Variants in UNKL observed in about 807,000 individuals in gnomAD.
The protein encoded by UNKL is putative E3 ubiquitin-protein ligase UNKL.
In UNKL, 60 loss-of-function variants were observed where a neutral mutation model predicts 78.0. The observed-to-expected ratio is 0.77, with a 90% CI of 0.63 to 0.95. The LOEUF (loss-of-function observed/expected upper bound fraction) is 0.95, where lower values mean the gene tolerates loss of function less well. UNKL is among the 40% of genes least tolerant of loss of function. The probability of loss-of-function intolerance (pLI) is 0.00; values close to 1 mark genes in which losing one functional copy is unlikely to be tolerated. For synonymous variants in UNKL, 608 were observed against 474.8 expected (o/e 1.28, Z -3.65); for missense variants, 1,159 against 1,045.7 (o/e 1.11, Z -1.49).
intron 6 of UNKL, among the ~76,000 whole-genome samples, chr16:1,396,820 G>A (rs1419275200): frequency 1.3e-5 from 2 of 152,124 alleles, no homozygotes; most frequent in African/African-American, 4.8e-5. Flanking sequence ...TCTTGATCTC[G>A]TTATCCAGCT....
At chr16:1,395,893 C>T (rs536556008) in intron 6 of UNKL, 8 of 400,884 alleles carry the variant, frequency 2.0e-5, no homozygotes, top group Admixed American at 7.9e-5. Context: ...CAAGAAACGA[C>T]GGGAAGCAGC....
chr16:1,371,493 G>A, intron 11 of UNKL, 26 bp downstream of exon 11: 1 of 1,534,626 alleles, frequency 6.5e-7, no homozygotes, highest in Non-Finnish European at 8.7e-7. Flanking sequence ...TGGAGGAGCA[G>A]GGCCCCAGGT....
In UNKL at chr16:1,403,252, G is replaced by A. The variant is rs771405455; in HGVS notation, c.380C>T (p.Ala127Val). ...CCCATTCTTCACGCAGTGGCCACGT[G>A]CGTCTGTCTCGTGGATGCAGGTTCC... ...KTGTCIHETDARGHCVKNGLH... is the reference protein window; with the variant it reads ...KTGTCIHETDVRGHCVKNGLH... The change falls in exon 3 of 15, where the codon GCA becomes GTA. Residue 127 changes from alanine to valine, a missense_variant. Coordinates refer to ENST00000389221, the MANE Select transcript of UNKL (RefSeq NM_001372107.1). The surrounding 1 kb of genome is among the most constrained non-coding windows in gnomAD (Gnocchi z 4.8). 6.2e-7 allele frequency: 1 copy of A among 1,614,208 alleles called. No individual in the cohort carries two copies. Among genetic ancestry groups the A allele is most frequent in the Non-Finnish European group, 8.5e-7 (1 of 1,180,038 alleles).
rs763730083 is a variant in UNKL at position 1,371,572 on chromosome 16, G to T, written c.1304C>A (p.Ala435Glu). Residue 435 changes from alanine to glutamate, a missense_variant, in exon 11 of 15, where the codon GCA becomes GAA. By Grantham distance (107) the Ala-to-Glu change is moderately radical. Transcript: ENST00000389221. The stretch of plus-strand genomic sequence containing the variant: ...CTCTTCCAGGTCCTTCTCTAGGGAT[G>T]CAATATTCACATTGCTAAGATGCAG... The part of the protein sequence containing the change: ...LDLHLSNVNI[A>E]SLEKDLEEQD... 97 of 1,536,096 alleles carry T rather than the reference G, an allele frequency of 6.3e-5. No homozygotes were observed. The highest frequency in any genetic ancestry group is 7.9e-5 in the Non-Finnish European group (91 of 1,146,912).
At chr16:1,407,369 C>T (rs1051968181) in intron 2 of UNKL, 5 of 152,214 alleles carry the variant, frequency 3.3e-5, no homozygotes, top group Non-Finnish European at 5.9e-5. Context: ...ACAGGGCAAG[C>T]GGGAAGTGTC....
intron 2 of UNKL, among the ~76,000 whole-genome samples, chr16:1,411,744 G>C (rs2038048094): frequency 6.6e-6 from 1 of 152,116 alleles, no homozygotes; most frequent in African/African-American, 2.4e-5. Context: ...AGAATCGCTT[G>C]AACCTGGGAG....
chr16:1,412,447 T>C (rs2038082330), intron 2 of UNKL, among the ~76,000 whole-genome samples: 1 of 151,830 alleles, frequency 6.6e-6, no homozygotes, highest in African/African-American at 2.4e-5. Context: ...CTCAACTCTA[T>C]TAAAAATACA....
intron 12 of UNKL, 40 bp downstream of exon 12, chr16:1,370,090 G>C (rs755375760): frequency 6.5e-7 from 1 of 1,544,246 alleles, no homozygotes; most frequent in South Asian, 1.2e-5. Context: ...CCCCACGGAG[G>C]CTTCACGGCA....
chr16:1,379,614 A>G, intron 10 of UNKL: 1 of 984,830 alleles, frequency 1.0e-6, no homozygotes, highest in Non-Finnish European at 1.2e-6. Flanking sequence ...CACGGCTGCC[A>G]CGCGCTGGGG....
chr16:1,408,925 CT>C (rs143029863), intron 2 of UNKL: 17,072 of 142,656 alleles, frequency 0.12, 1,406 homozygotes, highest in African/African-American at 0.26. Flanking sequence ...ATAGAAATTT[CT>C]TTTTTTTTTT....
Position 1,399,027 on chromosome 16 carries a change from T to G in UNKL, c.734+347A>C. The G allele has an allele frequency of 6.9e-7, 1 of 1,442,930 alleles. No individual in the cohort carries two copies. The highest frequency in any genetic ancestry group is 2.5e-5 in the East Asian group (1 of 39,632). The allele number at this position is 1,442,930 out of a possible 1,614,324, so 89.4% of individuals were successfully genotyped here. A position where few individuals can be genotyped will look rare whatever the true frequency, so the allele number is the denominator to read the frequency against. ...AGGAGACAGCATGCAGCCCACAGGC[T>G]GGAGAGCGTGGCTGCAACCAGAGGC... On this transcript the variant is annotated intron_variant, in intron 5 of 14. Coordinates refer to ENST00000389221, the MANE Select transcript of UNKL (RefSeq NM_001372107.1). This position sits in a 1 kb window ranked among gnomAD's most constrained non-coding sequence, Gnocchi z 5.8.
intron 14 of UNKL, 88 bp downstream of exon 14, chr16:1,367,004 G>C (rs1596634035): frequency 6.9e-7 from 1 of 1,439,274 alleles, no homozygotes; most frequent in African/African-American, 1.4e-5. Context: ...GGAGGAAGGG[G>C]ACACCGCACC....
intron 10 of UNKL, among the ~76,000 whole-genome samples, chr16:1,376,719 C>A (rs1048073092): frequency 4.0e-5 from 6 of 151,844 alleles, no homozygotes; most frequent in East Asian, 3.9e-4. Context: ...CCCCCATGGA[C>A]GCCTGATGCT....
At position 1,398,974 on chromosome 16, in the gene UNKL, A is replaced by C. The variant is rs778416624; in HGVS notation, c.734+400T>G. On this transcript the variant is annotated intron_variant, in intron 5 of 14. Transcript: ENST00000389221. ...GACAAGATTGAGCCCAGGTGACGAC[A>C]GTGCCTGAGCCCCTGGCAGCTTGGG... 2.7e-6 allele frequency: 4 copies of C among 1,505,184 alleles called. No homozygotes were observed. In the Admixed American group the frequency reaches 8.4e-5, roughly 32 times the overall value. 93.2% of individuals were successfully genotyped at this position (1,505,184 alleles called of 1,614,324 possible). A position where few individuals can be genotyped will look rare whatever the true frequency, so the allele number is the denominator to read the frequency against.
chr16:1,367,213 C>T lies in UNKL; in HGVS notation c.1925G>A (p.Gly642Asp), dbSNP rs1282883707. The T allele has an allele frequency of 1.9e-6, 3 of 1,603,970 alleles. No homozygotes were observed. The South Asian group carries it at 3.4e-5, about 18-fold the overall frequency. Residue 642 changes from glycine (G) to aspartate (D), a missense_variant, in exon 14 of 15, where the codon GGC becomes GAC. Physicochemically the swap from Gly to Asp is moderately conservative, Grantham distance 94. Coordinates refer to ENST00000389221, the MANE Select transcript of UNKL (RefSeq NM_001372107.1). The part of the protein sequence containing the change: ...QVKQLQEELE[G>D]LGVASTLPGL... ...CGGCAGTGTGGAGGCTACGCCCAGGCCCTCCAGCTCCTCCTGCAGCTGCTT... is the reference window on the plus strand; with the variant it reads ...CGGCAGTGTGGAGGCTACGCCCAGGTCCTCCAGCTCCTCCTGCAGCTGCTT...
intron 1 of UNKL, 104 bp from the exon 2 acceptor site, chr16:1,414,159 C>T: frequency 1.7e-6 from 2 of 1,180,582 alleles, no homozygotes; most frequent in African/African-American, 3.1e-5. Flanking sequence ...AACCCAGGGT[C>T]GACCCGTACT....
intron 6 of UNKL, 66 bp from the exon 7 acceptor site, chr16:1,394,281 G>C: frequency 6.6e-7 from 1 of 1,510,688 alleles, no homozygotes; most frequent in South Asian, 1.2e-5. Context: ...ACCACAGCTG[G>C]CATCATCCCA....
At chr16:1,390,611 G>A in intron 9 of UNKL, 21 bp downstream of exon 9, 3 of 1,535,686 alleles carry the variant, frequency 2.0e-6, no homozygotes, top group Non-Finnish European at 2.6e-6. Flanking sequence ...CACGAGGGTG[G>A]GAAACCTTGG....
intron 10 of UNKL, chr16:1,383,824 G>T: frequency 2.3e-6 from 1 of 440,356 alleles, no homozygotes. Flanking sequence ...TGCAGCGAGG[G>T]CCCCCACCAC....
Sources: allele counts gnomAD v4.1 joint callset (sites outside exome capture counted in the v4.1 genomes callset), GRCh38; gene constraint gnomAD v4.1.1; non-coding constraint Gnocchi (gnomAD v3.1); transcripts MANE v1.5; gene names NCBI Gene and HGNC (gene_info 2026-07-23, HGNC 2026-07-21).